Variants in WWP2 observed in about 807,000 individuals in gnomAD.
WWP2 encodes the protein NEDD4-like E3 ubiquitin-protein ligase WWP2.
Under a neutral mutation model 121.0 loss-of-function variants are expected in WWP2, and 57 were observed. The observed-to-expected ratio is 0.47, with a 90% CI of 0.38 to 0.59. The LOEUF (loss-of-function observed/expected upper bound fraction) is 0.59, where lower values mean the gene tolerates loss of function less well. Among genes scored for constraint, WWP2 ranks in the 20% least tolerant of loss-of-function variants. The pLI is 0.00. For missense variants in WWP2, 962 were observed against 1,158.9 expected, an observed-to-expected ratio of 0.83 and a Z score of 2.47; for synonymous variants, 449 against 441.3, an observed-to-expected ratio of 1.02 and a Z score of -0.22.
At chr16:69,840,414 C>T (rs1355717560) in intron 5 of WWP2, 151 bp downstream of exon 5, 14 of 932,904 alleles carry the variant, frequency 1.5e-5, no homozygotes, top group Non-Finnish European at 2.2e-5. Context: ...TTCTTAGCTC[C>T]GTGGATCAGT....
intron 10 of WWP2, among the ~76,000 whole-genome samples, chr16:69,918,278 A>AAAAAAC (rs1045806342): frequency 5.9e-5 from 9 of 152,290 alleles, no homozygotes; most frequent in Admixed American, 5.2e-4. Flanking sequence ...TGTCTCTAAA[A>AAAAAAC]AAAAACAAAA....
At chr16:69,883,124 G>C (rs1210886752) in intron 7 of WWP2, among the ~76,000 whole-genome samples, 4 of 151,124 alleles carry the variant, frequency 2.6e-5, no homozygotes, top group African/African-American at 7.3e-5. Flanking sequence ...CTGCACTCCA[G>C]TTTGGGTGGC....
chr16:69,896,532 A>T lies in WWP2; in HGVS notation c.914+8283A>T, dbSNP rs78154731. Among the ~76,000 whole-genome samples, 237 of 152,244 alleles carry T rather than the reference A, an allele frequency of 1.6e-3. 6 individuals carry two copies. The East Asian group carries it at 0.031, about 20-fold the overall frequency. ...CCAAAGAGAGGGAGTGATGTGTTACATGAGTGGGAAAATGATATCACATTC... is the reference window on the plus strand; with the variant it reads ...CCAAAGAGAGGGAGTGATGTGTTACTTGAGTGGGAAAATGATATCACATTC... On this transcript the variant is annotated intron_variant, in intron 8 of 23. Transcript: ENST00000359154.
At chr16:69,886,471 C>T (rs2057927404) in intron 7 of WWP2, among the ~76,000 whole-genome samples, 1 of 150,250 alleles carries the variant, frequency 6.7e-6, no homozygotes. Context: ...AACCAAACAA[C>T]TTTCTGGGCC....
chr16:69,774,495 G>A (rs1484918499), intron 1 of WWP2, among the ~76,000 whole-genome samples: 2 of 152,110 alleles, frequency 1.3e-5, no homozygotes, highest in Non-Finnish European at 1.5e-5. Flanking sequence ...GGATTCAAGT[G>A]ATCCACCTGA....
chr16:69,878,663 G>T (rs901035374), intron 7 of WWP2, among the ~76,000 whole-genome samples: 5 of 151,900 alleles, frequency 3.3e-5, no homozygotes, highest in Non-Finnish European at 7.4e-5. Context: ...CACCCAGCCT[G>T]TTTTTATACA....
At chr16:69,830,988 C>T (rs926578011) in intron 4 of WWP2, among the ~76,000 whole-genome samples, 8 of 152,038 alleles carry the variant, frequency 5.3e-5, no homozygotes, top group African/African-American at 9.7e-5. Context: ...AGAATGAACA[C>T]GGGCCTGTTA....
intron 4 of WWP2, among the ~76,000 whole-genome samples, chr16:69,838,068 AT>A (rs1284891805): frequency 6.6e-6 from 1 of 152,122 alleles, no homozygotes; most frequent in African/African-American, 2.4e-5. Flanking sequence ...TAAAAAAAAA[AT>A]TAAAAAGCAA....
chr16:69,902,584 G>C (rs958192776), intron 8 of WWP2, among the ~76,000 whole-genome samples: 1 of 152,202 alleles, frequency 6.6e-6, no homozygotes, highest in Non-Finnish European at 1.5e-5. Flanking sequence ...TATCGAGGGG[G>C]ACAGGAGATG....
In WWP2 at chr16:69,764,014, C is replaced by A. The variant is rs1353361374; in HGVS notation, c.-16+1623C>A. Among the ~76,000 whole-genome samples, 4 of 152,194 alleles carry A rather than the reference C, an allele frequency of 2.6e-5. 1 individual carries two copies. The highest frequency in any genetic ancestry group is 6.5e-5 in the Admixed American group (1 of 15,274). ...TTTCCCATTTACAAAGAGCGTATACCAACATCTCACTTAACCTTCCCTTTG... is the reference window on the plus strand; with the variant it reads ...TTTCCCATTTACAAAGAGCGTATACAAACATCTCACTTAACCTTCCCTTTG... On this transcript the variant is annotated intron_variant, in intron 1 of 23. Transcript: ENST00000359154.
chr16:69,771,524 G>A (rs1567654271), intron 1 of WWP2, among the ~76,000 whole-genome samples: 1 of 152,202 alleles, frequency 6.6e-6, no homozygotes, highest in Non-Finnish European at 1.5e-5. Context: ...TGGGATTATA[G>A]GCATGAGGCA....
chr16:69,797,756 G>T (rs2056077662), intron 2 of WWP2, among the ~76,000 whole-genome samples: 2 of 151,976 alleles, frequency 1.3e-5, no homozygotes, highest in African/African-American at 4.8e-5. Flanking sequence ...AGGCACGGTG[G>T]CGGGCGCCTG....
intron 16 of WWP2, among the ~76,000 whole-genome samples, chr16:69,932,529 A>G (rs1034678379): frequency 6.6e-6 from 1 of 152,192 alleles, no homozygotes; most frequent in Non-Finnish European, 1.5e-5. Context: ...ATGTTTCTGT[A>G]CTTTAACAAC....
Position 69,940,216 on chromosome 16 carries a change from C to T in WWP2, c.*276C>T. ...CTGACCCTCTCTGCAAAACTCTCCC[C>T]TGTCCTCTAGACCCCACCCTGGGTG... On this transcript the variant is annotated 3_prime_UTR_variant, in exon 24 of 24. Transcript: ENST00000359154. 1 of 488,214 alleles carries T rather than the reference C, an allele frequency of 2.0e-6. No individual in the cohort carries two copies. Among genetic ancestry groups the T allele is most frequent in the South Asian group, 3.0e-5 (1 of 33,744 alleles). 30.2% of individuals were successfully genotyped at this position (488,214 alleles called of 1,614,324 possible).
intron 6 of WWP2, among the ~76,000 whole-genome samples, chr16:69,843,609 G>A (rs2151876667): frequency 6.6e-6 from 1 of 152,278 alleles, no homozygotes; most frequent in Admixed American, 6.5e-5. Context: ...GCTCATGCCT[G>A]TAATTCCAGC....
intron 6 of WWP2, among the ~76,000 whole-genome samples, chr16:69,843,107 T>G (rs548210381): frequency 6.6e-6 from 1 of 152,260 alleles, no homozygotes; most frequent in East Asian, 1.9e-4. Flanking sequence ...ACTGCTTTTT[T>G]GTATGTCCGG....
intron 4 of WWP2, among the ~76,000 whole-genome samples, chr16:69,823,950 A>G (rs1189257473): frequency 6.6e-6 from 1 of 152,214 alleles, no homozygotes; most frequent in Non-Finnish European, 1.5e-5. Context: ...TCAGCCGTGT[A>G]GCATTCAGGC....
chr16:69,859,631 G>A (rs2057379965), intron 6 of WWP2, among the ~76,000 whole-genome samples: 1 of 152,124 alleles, frequency 6.6e-6, no homozygotes. Context: ...TAGGACTGAG[G>A]TGCCCATTCC....
chr16:69,909,854 C>A, intron 9 of WWP2: 1 of 378,062 alleles, frequency 2.6e-6, no homozygotes, highest in Non-Finnish European at 3.6e-6. Flanking sequence ...CAAAAATTAT[C>A]AACTCATGGC....
Sources: gnomAD v4.1 joint callset for allele counts (sites outside exome capture counted in the v4.1 genomes callset) on GRCh38, gnomAD v4.1.1 for gene constraint, MANE v1.5 for transcripts, NCBI Gene and HGNC (gene_info 2026-07-23, HGNC 2026-07-21) for gene names.